The following KCNQ1 variants were observed in gnomAD, a reference collection of about 807,000 sequenced individuals.
KCNQ1 encodes potassium voltage-gated channel subfamily Q member 1, also known as potassium voltage-gated channel subfamily KQT member 1.
A neutral mutation model predicts 72.4 loss-of-function variants in KCNQ1; 49 were observed. That is an observed-to-expected ratio of 0.68 (90% confidence interval 0.54 to 0.86). The LOEUF is 0.86. Among genes scored for constraint, KCNQ1 ranks in the 40% least tolerant of loss-of-function variants. The pLI is 0.00. For synonymous variants in KCNQ1, 450 were observed against 412.6 expected (o/e 1.09, Z -1.10); for missense variants, 790 against 945.1 (o/e 0.84, Z 2.15).
intron 4 of KCNQ1, among the ~76,000 whole-genome samples, 180 bp from the exon 5 acceptor site, chr11:2,571,833 C>T (rs575565218): frequency 2.0e-5 from 3 of 152,260 alleles, no homozygotes; most frequent in East Asian, 1.9e-4. Flanking sequence ...TGGGGGGCTG[C>T]GCCTGAGAGG....
chr11:2,552,891 C>T (rs1848004795), intron 2 of KCNQ1, among the ~76,000 whole-genome samples: 1 of 152,220 alleles, frequency 6.6e-6, no homozygotes, highest in Admixed American at 6.5e-5. Context: ...CGGTCTTGCT[C>T]CCCGGTGTCT....
At chr11:2,753,861 G>A (rs991863324) in intron 11 of KCNQ1, among the ~76,000 whole-genome samples, 4 of 152,122 alleles carry the variant, frequency 2.6e-5, no homozygotes, top group Non-Finnish European at 5.9e-5. Context: ...ACAACACAAG[G>A]AACTGAGACA....
In KCNQ1 at chr11:2,499,524, CT is replaced by C. The variant is rs371844066; in HGVS notation, c.387-28403del. On this transcript the variant is annotated intron_variant, in intron 1 of 15. Transcript: ENST00000155840. ...AAAGACAGAGTGGTTGAATGGACCC[CT>C]GCCCCCACAAAAAAAGACCCAATTA... is the stretch of plus-strand genomic sequence containing the variant. 1.7e-3 allele frequency among the ~76,000 whole-genome samples: 235 copies of C among 136,296 alleles called. 4 individuals are homozygous for C. Among genetic ancestry groups the C allele is most frequent in the African/African-American group, 3.2e-3 (118 of 36,840 alleles). The allele number at this position is 136,296 out of a possible 152,430, so 89.4% of individuals were successfully genotyped here.
intron 11 of KCNQ1, among the ~76,000 whole-genome samples, chr11:2,737,394 C>G (rs1845975355): frequency 6.6e-6 from 1 of 152,084 alleles, no homozygotes; most frequent in African/African-American, 2.4e-5. Flanking sequence ...TGCAGCAGGC[C>G]CAGACCCACG....
At position 2,617,528 on chromosome 11, in the gene KCNQ1, G is replaced by C; in HGVS notation, c.1393+28674G>C. On this transcript the variant is annotated intron_variant, in intron 10 of 15. Coordinates refer to ENST00000155840, the MANE Select transcript of KCNQ1 (RefSeq NM_000218.3). This position sits in a 1 kb window ranked among gnomAD's most constrained non-coding sequence, Gnocchi z 4.6. Reference sequence around the variant, plus strand: ...ATATAATGCCACAATGAATATAGGAGCGCAGATATCTTTATGAGGTGGAGA... The same window carrying C: ...ATATAATGCCACAATGAATATAGGACCGCAGATATCTTTATGAGGTGGAGA... 1 of 398,434 alleles carries C rather than the reference G, an allele frequency of 2.5e-6. No homozygotes were observed. Among genetic ancestry groups the C allele is most frequent in the Non-Finnish European group, 4.4e-6 (1 of 225,968 alleles). 24.7% of individuals were successfully genotyped at this position (398,434 alleles called of 1,614,324 possible).
At position 2,768,040 on chromosome 11, in the gene KCNQ1, T is replaced by A. The variant is rs1846528273; in HGVS notation, c.1515-804T>A. Among the ~76,000 whole-genome samples the A allele has an allele frequency of 6.6e-6, 1 of 152,210 alleles. No homozygotes were observed. Reference sequence around the variant, plus strand: ...CAGTTCATTTCCTTTCTATGTGGGATCCTCACCTTCTATGTCTTTCTTGGT... The same window carrying A: ...CAGTTCATTTCCTTTCTATGTGGGAACCTCACCTTCTATGTCTTTCTTGGT... On this transcript the variant is annotated intron_variant, in intron 11 of 15. Transcript: ENST00000155840. This position sits in a 1 kb window ranked among gnomAD's most constrained non-coding sequence, Gnocchi z 6.7.
rs1177220595 is a variant in KCNQ1 at position 2,673,122 on chromosome 11, A to T, written c.1514+11041A>T. The stretch of plus-strand genomic sequence containing the variant: ...TCAGCAGGAGACCCCAGCAGGCAGC[A>T]TCAGGGCAGGGGTGCTGACCATCCC... On this transcript the variant is annotated intron_variant, in intron 11 of 15. Coordinates refer to ENST00000155840, the MANE Select transcript of KCNQ1 (RefSeq NM_000218.3). The surrounding 1 kb of genome is among the most constrained non-coding windows in gnomAD (Gnocchi z 4.5). 2.5e-6 allele frequency: 1 copy of T among 398,852 alleles called. No homozygotes were observed. Among genetic ancestry groups the T allele is most frequent in the Non-Finnish European group, 4.4e-6 (1 of 226,308 alleles). 24.7% of individuals were successfully genotyped at this position (398,852 alleles called of 1,614,324 possible).
intron 15 of KCNQ1, among the ~76,000 whole-genome samples, chr11:2,843,009 C>T (rs77334417): frequency 5.4e-4 from 83 of 152,350 alleles, no homozygotes; most frequent in African/African-American, 1.9e-3. Flanking sequence ...GGCACACACA[C>T]GCCTGCCTGC....
At chr11:2,512,946 G>C (rs1156755141) in intron 1 of KCNQ1, among the ~76,000 whole-genome samples, 1 of 152,204 alleles carries the variant, frequency 6.6e-6, no homozygotes, top group Non-Finnish European at 1.5e-5. Flanking sequence ...GGCTTTAGGA[G>C]CTCTGGCTCT....
intron 2 of KCNQ1, among the ~76,000 whole-genome samples, chr11:2,530,802 A>G (rs553603164): frequency 2.0e-4 from 31 of 152,154 alleles, no homozygotes; most frequent in Non-Finnish European, 3.8e-4. Context: ...ATGTTTATGC[A>G]TGGCTGTGTT....
In KCNQ1 at chr11:2,826,404, C is replaced by T. The variant is rs1195799949; in HGVS notation, c.1795-21363C>T. The stretch of plus-strand genomic sequence containing the variant: ...TGGGGGTCAGAACCCGCGGCCAGGC[C>T]CAGCAGCCGCCTCTTGGCAGCGCTG... On this transcript the variant is annotated intron_variant, in intron 15 of 15. Transcript: ENST00000155840. The surrounding 1 kb of genome is among the most constrained non-coding windows in gnomAD (Gnocchi z 4.2). Among the ~76,000 whole-genome samples the T allele has an allele frequency of 6.6e-6, 1 of 152,244 alleles. No homozygotes were observed. The highest frequency in any genetic ancestry group is 2.4e-5 in the African/African-American group (1 of 41,460).
intron 11 of KCNQ1, among the ~76,000 whole-genome samples, chr11:2,727,446 G>A (rs1006221595): frequency 6.6e-6 from 1 of 152,190 alleles, no homozygotes; most frequent in Admixed American, 6.5e-5. Flanking sequence ...GCAGGAACAT[G>A]GGGTAGTGTC....
intron 1 of KCNQ1, among the ~76,000 whole-genome samples, chr11:2,476,399 T>C (rs1019346000): frequency 6.6e-6 from 1 of 152,194 alleles, no homozygotes; most frequent in Non-Finnish European, 1.5e-5. Context: ...AAGGGGCATA[T>C]ATGCATATCT....
At chr11:2,571,533 G>A (rs1174746591) in intron 4 of KCNQ1, 130 bp downstream of exon 4, 2 of 767,676 alleles carry the variant, frequency 2.6e-6, no homozygotes, top group African/African-American at 3.4e-5. Flanking sequence ...TGCCCCCGGG[G>A]GCACTGAGCC....
intron 11 of KCNQ1, chr11:2,696,223 A>G (rs1352663328): frequency 1.8e-5 from 7 of 398,538 alleles, no homozygotes; most frequent in Non-Finnish European, 2.7e-5. Context: ...TTTTTCTCCT[A>G]TTAAACAAAT....
Position 2,621,480 on chromosome 11 carries a change from T to G in KCNQ1, c.1393+32626T>G, listed in dbSNP as rs1849171698. The G allele has an allele frequency of 2.5e-6, 1 of 398,606 alleles. No individual in the cohort carries two copies. Among genetic ancestry groups the G allele is most frequent in the Non-Finnish European group, 4.4e-6 (1 of 226,056 alleles). The allele number at this position is 398,606 out of a possible 1,614,324, so 24.7% of individuals were successfully genotyped here. A position where few individuals can be genotyped will look rare whatever the true frequency, so the allele number is the denominator to read the frequency against. On this transcript the variant is annotated intron_variant, in intron 10 of 15. Coordinates refer to ENST00000155840, the MANE Select transcript of KCNQ1 (RefSeq NM_000218.3). This position sits in a 1 kb window ranked among gnomAD's most constrained non-coding sequence, Gnocchi z 5.7. ...AGATGAATAGTTTGCAAATATTTTT[T>G]CTCCCATTCTATATGTTGTCTGTTT...
At chr11:2,667,334 G>A (rs1850095252) in intron 11 of KCNQ1, 3 of 398,516 alleles carry the variant, frequency 7.5e-6, no homozygotes, top group Non-Finnish European at 8.8e-6. Context: ...AAGCAGTGAG[G>A]CTTCTCATTT....
Position 2,746,675 on chromosome 11 carries a change from G to A in KCNQ1, c.1515-22169G>A, listed in dbSNP as rs928735120. On this transcript the variant is annotated intron_variant, in intron 11 of 15. Transcript: ENST00000155840. This position sits in a 1 kb window ranked among gnomAD's most constrained non-coding sequence, Gnocchi z 5.9. ...CCCTTCTCATCGCCCTGTTCCGAGG[G>A]CCCATCCTGTCGGTGTGGCTCGTCA... 1.3e-5 allele frequency among the ~76,000 whole-genome samples: 2 copies of A among 152,238 alleles called. No homozygotes were observed. The highest frequency in any genetic ancestry group is 2.9e-5 in the Non-Finnish European group (2 of 68,036).
chr11:2,653,092 A>G lies in KCNQ1; in HGVS notation c.1394-8869A>G, dbSNP rs1849782772. ...AACATCCTCATACAGCAGGGTGTGG[A>G]GAGAGGCTCACTGAAGGTTTGGGGA... On this transcript the variant is annotated intron_variant, in intron 10 of 15. Transcript: ENST00000155840. The surrounding 1 kb of genome is among the most constrained non-coding windows in gnomAD (Gnocchi z 5.3). 1 of 398,728 alleles carries G rather than the reference A, an allele frequency of 2.5e-6. No homozygotes were observed. Among genetic ancestry groups the G allele is most frequent in the East Asian group, 3.6e-5 (1 of 28,074 alleles). The allele number at this position is 398,728 out of a possible 1,614,324, so 24.7% of individuals were successfully genotyped here.
Sources: allele counts gnomAD v4.1 joint callset (sites outside exome capture counted in the v4.1 genomes callset), GRCh38; gene constraint gnomAD v4.1.1; non-coding constraint Gnocchi (gnomAD v3.1); transcripts MANE v1.5; gene names NCBI Gene and HGNC (gene_info 2026-07-23, HGNC 2026-07-21).